Variants in ZNF398 observed in about 807,000 individuals in gnomAD.
The protein encoded by ZNF398 is zinc finger protein 398.
A neutral mutation model predicts 41.9 loss-of-function variants in ZNF398; 18 were observed. The observed-to-expected ratio is 0.43, with a 90% confidence interval of 0.30 to 0.64. The LOEUF (loss-of-function observed/expected upper bound fraction) is 0.64. Ranked by LOEUF, ZNF398 falls within the 30% of genes least tolerant of loss-of-function variation. The pLI, the probability that ZNF398 is intolerant of heterozygous loss-of-function variation, is 0.14. For synonymous variants in ZNF398, 260 were observed against 308.8 expected, an observed-to-expected ratio of 0.84 and a Z score of 1.66; for missense variants, 669 against 822.8, an observed-to-expected ratio of 0.81 and a Z score of 2.29.
At chr7:149,141,621 A>AT (rs1826828993) in intron 2 of ZNF398, among the ~76,000 whole-genome samples, 1 of 151,824 alleles carries the variant, frequency 6.6e-6, no homozygotes, top group African/African-American at 2.4e-5. Flanking sequence ...CGCCTGGCTA[A>AT]TTTTTTGTAT....
At chr7:149,128,780 T>TAAAATAAAATTA (rs71192757) in intron 1 of ZNF398, 23 of 143,418 alleles carry the variant, frequency 1.6e-4, no homozygotes, top group African/African-American at 5.8e-4. Flanking sequence ...TAAAATAAAA[T>TAAAATAAAATTA]TATATATATA....
At chr7:149,156,701 A>C (rs1794988426) in intron 2 of ZNF398, among the ~76,000 whole-genome samples, 1 of 150,970 alleles carries the variant, frequency 6.6e-6, no homozygotes, top group Non-Finnish European at 1.5e-5. Flanking sequence ...TCTACTAAAT[A>C]TACAAAAAAA....
At chr7:149,139,923 C>T (rs922708517) in intron 2 of ZNF398, among the ~76,000 whole-genome samples, 2 of 151,924 alleles carry the variant, frequency 1.3e-5, no homozygotes, top group Non-Finnish European at 2.9e-5. Flanking sequence ...AGGAGAATGG[C>T]GTGAACCCAG....
intron 1 of ZNF398, chr7:149,148,046 G>T (rs1827002693): frequency 2.8e-6 from 1 of 360,846 alleles, no homozygotes; most frequent in East Asian, 4.0e-5. Flanking sequence ...AAGTCGAGGG[G>T]GTGCCTGCTG....
Position 149,147,627 on chromosome 7 carries a change from C to T in ZNF398, c.-116C>T, listed in dbSNP as rs1384482681. On this transcript the variant is annotated 5_prime_UTR_variant, in exon 1 of 6. Coordinates refer to ENST00000475153, the MANE Select transcript of ZNF398 (RefSeq NM_170686.3). The surrounding 1 kb of genome is among the most constrained non-coding windows in gnomAD (Gnocchi z 5.6). Reference sequence around the variant, plus strand: ...CCCGTCCGTGCGGGGAAGGCAGGGCCGGGTCGGCGCCGCCTGTGGAGAGGA... The same window carrying T: ...CCCGTCCGTGCGGGGAAGGCAGGGCTGGGTCGGCGCCGCCTGTGGAGAGGA... 6 of 1,125,856 alleles carry T rather than the reference C, an allele frequency of 5.3e-6. No homozygotes were observed. The highest frequency in any genetic ancestry group is 6.7e-6 in the Non-Finnish European group (6 of 900,058). The allele number at this position is 1,125,856 out of a possible 1,614,324, so 69.7% of individuals were successfully genotyped here.
At chr7:149,134,597 TC>T (rs1826672974) in intron 2 of ZNF398, among the ~76,000 whole-genome samples, 1 of 152,180 alleles carries the variant, frequency 6.6e-6, no homozygotes, top group Non-Finnish European at 1.5e-5. Flanking sequence ...GTTTATTTTT[TC>T]AACTCTGAGT....
At chr7:149,157,882 G>A (rs1795018733) in intron 2 of ZNF398, among the ~76,000 whole-genome samples, 1 of 150,332 alleles carries the variant, frequency 6.7e-6, no homozygotes, top group Non-Finnish European at 1.5e-5. Flanking sequence ...TCCGGTGGTA[G>A]GAGGAGCCGG....
intron 2 of ZNF398, among the ~76,000 whole-genome samples, chr7:149,156,332 C>T (rs61096966): frequency 0.54 from 80,710 of 149,990 alleles, 25,076 homozygotes; most frequent in East Asian, 0.9. Context: ...TGATGAAACC[C>T]CGTCTCTACT....
At chr7:149,131,821 G>C (rs144511971) in intron 2 of ZNF398, among the ~76,000 whole-genome samples, 120 of 152,078 alleles carry the variant, frequency 7.9e-4, no homozygotes, top group African/African-American at 2.5e-3. Flanking sequence ...GTAGCGGGGA[G>C]GGTTTCCTGT....
chr7:149,132,206 T>C lies in ZNF398; in HGVS notation c.-490+3262T>C, dbSNP rs1826610514. On this transcript the variant is annotated intron_variant, in intron 2 of 6. Coordinates refer to the ZNF398 transcript ENST00000426851. The stretch of plus-strand genomic sequence containing the variant: ...ATATTCTCTCTCTCTTTTTTTTTTT[T>C]TTTTTTGAGACAGAGTCTTGCTCTG... Among the ~76,000 whole-genome samples, 3 of 150,332 alleles carry C rather than the reference T, an allele frequency of 2.0e-5. No homozygotes were observed. The Admixed American group carries it at 2.0e-4, about 10-fold the overall frequency.
intron 2 of ZNF398, among the ~76,000 whole-genome samples, chr7:149,131,893 A>G (rs1826602611): frequency 6.6e-6 from 1 of 152,188 alleles, no homozygotes. Flanking sequence ...AAACAGTTTT[A>G]GACATTTTAA....
chr7:149,143,683 A>C (rs1195138119), upstream of ZNF398, among the ~76,000 whole-genome samples: 1 of 152,082 alleles, frequency 6.6e-6, no homozygotes, highest in Non-Finnish European at 1.5e-5. Flanking sequence ...ATGGTGGCGC[A>C]TGCCTGTAAT....
intron 4 of ZNF398, 34 bp from the exon 5 acceptor site, chr7:149,176,434 A>T (rs774978413): frequency 1.4e-6 from 2 of 1,453,734 alleles, no homozygotes; most frequent in Non-Finnish European, 1.9e-6. Context: ...ATTCAAGTTC[A>T]TGAAGGCCAT....
intron 2 of ZNF398, among the ~76,000 whole-genome samples, chr7:149,155,038 G>A (rs981051419): frequency 2.0e-5 from 3 of 149,492 alleles, no homozygotes; most frequent in South Asian, 4.2e-4. Flanking sequence ...TGTAATCCCA[G>A]CATTTTGGGA....
chr7:149,173,668 A>G (rs112785137), intron 4 of ZNF398, among the ~76,000 whole-genome samples: 2,890 of 152,298 alleles, frequency 0.019, 107 homozygotes, highest in African/African-American at 0.066. Flanking sequence ...TCTTCTGAGC[A>G]GTAGTTCTGA....
chr7:149,164,091 G>A (rs768222642), intron 2 of ZNF398, among the ~76,000 whole-genome samples: 2 of 151,746 alleles, frequency 1.3e-5, no homozygotes, highest in Non-Finnish European at 2.9e-5. Context: ...CAGCCTGGGT[G>A]ATGGAGCAAG....
chr7:149,166,399 C>A, intron 3 of ZNF398, 115 bp downstream of exon 3: 1 of 1,380,780 alleles, frequency 7.2e-7, no homozygotes. Flanking sequence ...ACTTCAAATT[C>A]TGGTTTCAAG....
rs892750499 is a variant in ZNF398, at chr7:149,178,589, A to G, written c.776-59A>G. Reference sequence around the variant, plus strand: ...ATCTGTTAGAGCTGGGTAGGAATGCATGAGAGTTGCTAGTGAGACAGTTAT... The same window carrying G: ...ATCTGTTAGAGCTGGGTAGGAATGCGTGAGAGTTGCTAGTGAGACAGTTAT... On this transcript the variant is annotated intron_variant, in intron 5 of 5. Coordinates refer to ENST00000475153, the MANE Select transcript of ZNF398 (RefSeq NM_170686.3). 1.8e-5 allele frequency: 26 copies of G among 1,431,360 alleles called. No individual in the cohort carries two copies. The African/African-American group carries it at 2.6e-4, about 14-fold the overall frequency. 88.7% of individuals were successfully genotyped at this position (1,431,360 alleles called of 1,614,324 possible). A position where few individuals can be genotyped will look rare whatever the true frequency, so the allele number is the denominator to read the frequency against.
At chr7:149,151,664 A>T (rs1459979920) in intron 1 of ZNF398, among the ~76,000 whole-genome samples, 1 of 151,970 alleles carries the variant, frequency 6.6e-6, no homozygotes, top group Non-Finnish European at 1.5e-5. Flanking sequence ...AGCCTCGGTG[A>T]CCCTGTCTCT....
Sources: allele counts gnomAD v4.1 joint callset (sites outside exome capture counted in the v4.1 genomes callset), GRCh38; gene constraint gnomAD v4.1.1; non-coding constraint Gnocchi (gnomAD v3.1); transcripts MANE v1.5; gene names NCBI Gene and HGNC (gene_info 2026-07-23, HGNC 2026-07-21).